Variants in DDX55 observed in about 807,000 individuals in gnomAD.
DDX55 encodes the protein DEAD-box helicase 55, also known as ATP-dependent RNA helicase DDX55.
In DDX55, 56 loss-of-function variants were observed where a neutral mutation model predicts 69.2. The ratio of observed to expected loss-of-function variants is 0.81; its 90% CI spans 0.65 to 1.01. The LOEUF (loss-of-function observed/expected upper bound fraction) is 1.01. DDX55 is among the 50% of genes least tolerant of loss of function. The pLI is 0.00. For missense variants in DDX55, 720 were observed against 745.1 expected, an observed-to-expected ratio of 0.97 and a Z score of 0.39; for synonymous variants, 268 against 273.1, an observed-to-expected ratio of 0.98 and a Z score of 0.18.
At chr12:123,613,400 C>T (rs1954414550) in intron 8 of DDX55, 148 bp downstream of exon 8, 2 of 776,648 alleles carry the variant, frequency 2.6e-6, no homozygotes, top group South Asian at 2.0e-5. Flanking sequence ...CTTTTGTTGT[C>T]CGAACAAGGT....
At chr12:123,616,689 T>A (rs1375540317) in intron 10 of DDX55, 86 bp downstream of exon 10, 1 of 1,382,598 alleles carries the variant, frequency 7.2e-7, no homozygotes, top group Non-Finnish European at 1.0e-6. Context: ...CAGATAATGA[T>A]GTTCACTGAA....
At chr12:123,617,319 T>C (rs539631571) in intron 10 of DDX55, among the ~76,000 whole-genome samples, 1 of 152,334 alleles carries the variant, frequency 6.6e-6, no homozygotes, top group South Asian at 2.1e-4. Context: ...TACCACCACA[T>C]GTGAAAATTA....
At position 123,613,172 on chromosome 12, in the gene DDX55, A is replaced by T; in HGVS notation, c.744A>T (p.Val248=). ...TAGTTTCCCTTTTTATTTTGCAGGT[A>T]TGCAAGGCAGATGAGAAATTTAATC... ...TPSRLENYYM[V]CKADEKFNQL... Residue 248 remains valine, a splice_region_variant and synonymous_variant, in exon 8 of 14, where the codon GTA becomes GTT. Coordinates refer to ENST00000238146, the MANE Select transcript of DDX55 (RefSeq NM_020936.3). 3 of 1,614,150 alleles carry T rather than the reference A, an allele frequency of 1.9e-6. No individual in the cohort carries two copies. Among genetic ancestry groups the T allele is most frequent in the Non-Finnish European group, 2.5e-6 (3 of 1,180,010 alleles).
intron 10 of DDX55, 190 bp downstream of exon 10, chr12:123,616,793 C>G (rs1954703835): frequency 3.1e-6 from 2 of 646,212 alleles, no homozygotes; most frequent in South Asian, 3.5e-5. Flanking sequence ...TGGTTTGAGG[C>G]CTTGCCGTGC....
intron 1 of DDX55, among the ~76,000 whole-genome samples, chr12:123,603,715 G>A (rs1288066791): frequency 6.6e-6 from 1 of 151,956 alleles, no homozygotes; most frequent in African/African-American, 2.4e-5. Context: ...TGAGTGAATG[G>A]TGTTACCATT....
At chr12:123,619,197 G>A (rs1280639901) in intron 12 of DDX55, among the ~76,000 whole-genome samples, 2 of 152,168 alleles carry the variant, frequency 1.3e-5, no homozygotes, top group African/African-American at 2.4e-5. Flanking sequence ...TAGAGACGGG[G>A]TTTCACCGTG....
chr12:123,606,164 G>A lies in DDX55; in HGVS notation c.246+5G>A. Reference sequence around the variant, plus strand: ...GAGAAGTTAAAAAAGAGTCAGGTGAGGACAACAAAAGTGATTTATTTTCAC... The same window carrying A: ...GAGAAGTTAAAAAAGAGTCAGGTGAAGACAACAAAAGTGATTTATTTTCAC... On this transcript the variant is annotated splice_donor_5th_base_variant and intron_variant, in intron 3 of 13. Transcript: ENST00000238146. 6.2e-7 allele frequency: 1 copy of A among 1,613,858 alleles called. No homozygotes were observed. Among genetic ancestry groups the A allele is most frequent in the Non-Finnish European group, 8.5e-7 (1 of 1,179,962 alleles).
At chr12:123,605,846 C>T (rs759975484) in intron 1 of DDX55, 85 bp from the exon 2 acceptor site, 5 of 1,577,016 alleles carry the variant, frequency 3.2e-6, no homozygotes, top group Non-Finnish European at 4.4e-6. Flanking sequence ...GTGACCTTAG[C>T]TGCCCATTAT....
chr12:123,609,406 A>C, intron 6 of DDX55, among the ~76,000 whole-genome samples: 3 of 127,744 alleles, frequency 2.3e-5, no homozygotes, highest in African/African-American at 6.2e-5. Flanking sequence ...ACAGGGTCTC[A>C]CTCTGTCATC....
Position 123,615,425 on chromosome 12 carries a change from T to C in DDX55, c.956+109T>C, listed in dbSNP as rs1314808414. 1.0e-5 allele frequency: 15 copies of C among 1,455,208 alleles called. No individual in the cohort carries two copies. The South Asian group carries it at 1.6e-4, about 15-fold the overall frequency. 90.1% of individuals were successfully genotyped at this position (1,455,208 alleles called of 1,614,324 possible). A position where few individuals can be genotyped will look rare whatever the true frequency, so the allele number is the denominator to read the frequency against. ...TGCTGTCCGCATGTGTTGTCTTTCC[T>C]GCCTGGAACCCTCTTCCCTCTCTAA... is the stretch of plus-strand genomic sequence containing the variant. On this transcript the variant is annotated intron_variant, in intron 9 of 13. Transcript: ENST00000238146.
In DDX55 at chr12:123,616,548, A is replaced by G; in HGVS notation, c.994A>G (p.Ile332Val). The change falls in exon 10 of 14, where the codon ATT becomes GTT. Residue 332 changes from isoleucine to valine, a missense_variant. Ile to Val is a conservative substitution (Grantham distance 29). Coordinates refer to ENST00000238146, the MANE Select transcript of DDX55 (RefSeq NM_020936.3). ...LVCTDVMARG[I>V]DIPEVNWVLQ... is the part of the protein sequence containing the mutation. ...GTGCACTGATGTGATGGCCCGGGGA[A>G]TTGATATTCCTGAAGTCAACTGGGT... 6.2e-7 allele frequency: 1 copy of G among 1,614,084 alleles called. No homozygotes were observed. Among genetic ancestry groups the G allele is most frequent in the Admixed American group, 1.7e-5 (1 of 60,006 alleles).
rs1218930632 is a variant in DDX55, at chr12:123,620,597, T to TATAC, written c.*460_*461insCATA. 1 of 69,824 alleles carries TATAC rather than the reference T, an allele frequency of 1.4e-5. No homozygotes were observed. The highest frequency in any genetic ancestry group is 1.3e-4 in the Admixed American group (1 of 7,912). 4.3% of individuals were successfully genotyped at this position (69,824 alleles called of 1,614,324 possible). On this transcript the variant is annotated 3_prime_UTR_variant, in exon 14 of 14. Coordinates refer to ENST00000238146, the MANE Select transcript of DDX55 (RefSeq NM_020936.3). ...TGTACATATTATATATATATATATA[T>TATAC]ATATATATATATATATATATATATA...
intron 9 of DDX55, among the ~76,000 whole-genome samples, chr12:123,615,809 C>G (rs1005175286): frequency 6.6e-6 from 1 of 152,126 alleles, no homozygotes. Context: ...GTGGTGAAAC[C>G]CTGTCTCTAC....
At chr12:123,613,030 C>T in intron 7 of DDX55, 140 bp from the exon 8 acceptor site, 2 of 778,934 alleles carry the variant, frequency 2.6e-6, no homozygotes, top group South Asian at 3.4e-5. Context: ...GCTAGGTAGA[C>T]CAGTTAACAT....
At chr12:123,602,326 G>A in intron 1 of DDX55, 70 bp downstream of exon 1, 1 of 1,388,500 alleles carries the variant, frequency 7.2e-7, no homozygotes, top group African/African-American at 1.4e-5. Context: ...GGACCCACAG[G>A]AGGTGATCGG....
rs749864263 is a variant in DDX55 at position 123,618,653 on chromosome 12, A to ATG, written c.1165-4_1165-3dup. 132 of 1,601,358 alleles carry ATG rather than the reference A, an allele frequency of 8.2e-5. 1 individual carries two copies. The South Asian group carries it at 9.3e-4, about 11-fold the overall frequency. On this transcript the variant is annotated splice_polypyrimidine_tract_variant and intron_variant, in intron 11 of 13. Transcript: ENST00000238146. ...CAGCCAGGGAAGGTGAGAATGTGGT[A>ATG]TGTGTGTGTGTGTAGTGCCCCCTGC...
chr12:123,617,974 C>T (rs1432413088), intron 11 of DDX55, 102 bp downstream of exon 11: 5 of 1,121,208 alleles, frequency 4.5e-6, no homozygotes, highest in African/African-American at 3.1e-5. Flanking sequence ...TGCAAACTCA[C>T]TGGGGCTGGG....
At chr12:123,607,070 A>T (rs753256356) in intron 3 of DDX55, among the ~76,000 whole-genome samples, 1 of 152,210 alleles carries the variant, frequency 6.6e-6, no homozygotes, top group African/African-American at 2.4e-5. Flanking sequence ...TCAATAGTAT[A>T]TGTTAAATAG....
Position 123,618,536 on chromosome 12 carries a change from T to G in DDX55, c.1165-133T>G. On this transcript the variant is annotated intron_variant, in intron 11 of 13. Coordinates refer to ENST00000238146, the MANE Select transcript of DDX55 (RefSeq NM_020936.3). ...TTACAGAGCATGTGAAATATTTGGG[T>G]TGGAGTTGGGCTTCAGACCTCAACA... The G allele has an allele frequency of 2.0e-6, 3 of 1,535,110 alleles. No individual in the cohort carries two copies. In the South Asian group the frequency reaches 3.8e-5, roughly 19 times the overall value.
Sources: allele counts gnomAD v4.1 joint callset (sites outside exome capture counted in the v4.1 genomes callset), GRCh38; gene constraint gnomAD v4.1.1; transcripts MANE v1.5; gene names NCBI Gene and HGNC (gene_info 2026-07-23, HGNC 2026-07-21).